Variants in CNKSR2 observed in about 807,000 individuals in gnomAD.
The protein encoded by CNKSR2 is connector enhancer of kinase suppressor of Ras 2, also known as CNK homolog protein 2.
CNKSR2 carries 14 observed loss-of-function variants against 84.4 expected under a neutral mutation model. The ratio of observed to expected loss-of-function variants is 0.17; its 90% CI spans 0.11 to 0.26. The LOEUF (loss-of-function observed/expected upper bound fraction) is 0.26, where lower values mean the gene tolerates loss of function less well. Among genes scored for constraint, CNKSR2 ranks in the 10% least tolerant of loss-of-function variants. The pLI is 1.00. For synonymous variants in CNKSR2, 275 were observed against 277.9 expected, an observed-to-expected ratio of 0.99 and a Z score of 0.10; for missense variants, 485 against 771.2, an observed-to-expected ratio of 0.63 and a Z score of 4.40.
At chrX:21,510,075 G>A (rs1286745601) in intron 8 of CNKSR2, among the ~76,000 whole-genome samples, 1 of 111,315 alleles carries the variant, frequency 9.0e-6, no homozygotes, top group Non-Finnish European at 1.9e-5. Flanking sequence ...CTTAAAAAGA[G>A]CAGGAGGATA....
intron 5 of CNKSR2, among the ~76,000 whole-genome samples, chrX:21,471,469 C>T (rs1182309714): frequency 1.8e-5 from 2 of 111,829 alleles, no homozygotes; most frequent in African/African-American, 6.5e-5. Flanking sequence ...TCTGCATCTG[C>T]CAGGTACTAG....
intron 5 of CNKSR2, among the ~76,000 whole-genome samples, chrX:21,486,661 A>T (rs762814719): frequency 8.9e-6 from 1 of 112,193 alleles, no homozygotes; most frequent in Non-Finnish European, 1.9e-5. Flanking sequence ...TACAAATTAT[A>T]GCTAATAATA....
intron 4 of CNKSR2, among the ~76,000 whole-genome samples, chrX:21,449,230 G>C (rs1257026581): frequency 1.9e-5 from 2 of 103,370 alleles, no homozygotes; most frequent in African/African-American, 7.2e-5. Flanking sequence ...CTTGAACCCA[G>C]GAGGCGGAGG....
chrX:21,404,515 A>T (rs1237529055), intron 1 of CNKSR2, among the ~76,000 whole-genome samples: 1 of 110,657 alleles, frequency 9.0e-6, no homozygotes, highest in East Asian at 2.8e-4. Context: ...CTGGCCAGGC[A>T]TGGTGGCTCA....
chrX:21,505,011 A>T, intron 8 of CNKSR2: 1 of 275,798 alleles, frequency 3.6e-6, no homozygotes. Flanking sequence ...ATACCTCGGC[A>T]TAGTTTGATG....
chrX:21,573,454 A>G (rs2092297879), intron 13 of CNKSR2, among the ~76,000 whole-genome samples: 1 of 112,138 alleles, frequency 8.9e-6, no homozygotes, highest in African/African-American at 3.2e-5. Context: ...GAGGTTCTCA[A>G]TGAGGGCTCC....
At chrX:21,392,427 C>T (rs775215156) in intron 1 of CNKSR2, among the ~76,000 whole-genome samples, 55 of 111,792 alleles carry the variant, frequency 4.9e-4, no homozygotes, top group Middle Eastern at 4.6e-3. Context: ...GGAGGCCTCG[C>T]GAAACTTTCA....
chrX:21,609,802 A>G (rs1346516608), intron 20 of CNKSR2, among the ~76,000 whole-genome samples, 185 bp downstream of exon 20: 1 of 111,798 alleles, frequency 8.9e-6, no homozygotes. Context: ...AAACATGATG[A>G]GTAATGAAGC....
chrX:21,607,009 G>A (rs1299800359), intron 19 of CNKSR2, 130 bp downstream of exon 19: 3 of 355,120 alleles, frequency 8.4e-6, no homozygotes, highest in Admixed American at 1.2e-4. Flanking sequence ...AAAACTGGGA[G>A]TCTAAAATCA....
At chrX:21,478,573 A>G (rs761283505) in intron 5 of CNKSR2, among the ~76,000 whole-genome samples, 4 of 112,166 alleles carry the variant, frequency 3.6e-5, no homozygotes, top group Non-Finnish European at 7.5e-5. Flanking sequence ...CCATATTCAT[A>G]CTGACTCTGA....
intron 13 of CNKSR2, among the ~76,000 whole-genome samples, chrX:21,587,985 G>T (rs757421098): frequency 3.9e-4 from 43 of 111,603 alleles, no homozygotes; most frequent in Non-Finnish European, 1.5e-4. Context: ...AAATCTATCT[G>T]CAGGCTTCCT....
intron 13 of CNKSR2, among the ~76,000 whole-genome samples, chrX:21,587,110 A>G (rs955643321): frequency 1.8e-5 from 2 of 112,124 alleles, no homozygotes; most frequent in Admixed American, 1.9e-4. Flanking sequence ...TTTAGAAGCT[A>G]CAGAGAAACT....
At chrX:21,435,268 TATTTA>T (rs1198895134) in intron 3 of CNKSR2, among the ~76,000 whole-genome samples, 1 of 111,279 alleles carries the variant, frequency 9.0e-6, no homozygotes, top group East Asian at 2.8e-4. Context: ...TTAACATTAA[TATTTA>T]ATTCTAATTG....
In CNKSR2 at chrX:21,532,008, A is replaced by G. The variant is rs1195103186; in HGVS notation, c.1244A>G (p.Tyr415Cys). The G allele has an allele frequency of 1.7e-6, 2 of 1,204,082 alleles. No homozygotes were observed. The highest frequency in any genetic ancestry group is 1.7e-5 in the African/African-American group (1 of 57,529). Residue 415 changes from tyrosine to cysteine, a missense_variant, in exon 11 of 22, where the codon TAT becomes TGT. Transcript: ENST00000379510. ...GAAGAAGATACTGTCTTATATTGCTATGAATATGAAAAAGGAAGATCAAGT... is the reference window on the plus strand; with the variant it reads ...GAAGAAGATACTGTCTTATATTGCTGTGAATATGAAAAAGGAAGATCAAGT... ...IVEEDTVLYC[Y>C]EYEKGRSSSQ...
intron 20 of CNKSR2, among the ~76,000 whole-genome samples, chrX:21,616,258 G>C (rs2092576072): frequency 9.0e-6 from 1 of 110,840 alleles, no homozygotes; most frequent in African/African-American, 3.3e-5. Flanking sequence ...CCTACTACCA[G>C]AATTTAAGCT....
chrX:21,436,892 A>C (rs187320186), intron 3 of CNKSR2, among the ~76,000 whole-genome samples: 1 of 111,611 alleles, frequency 9.0e-6, no homozygotes, highest in Admixed American at 9.5e-5. Flanking sequence ...TACAGCCCAA[A>C]TCATCATACC....
chrX:21,489,170 G>A (rs1313396028), intron 5 of CNKSR2, among the ~76,000 whole-genome samples: 2 of 111,403 alleles, frequency 1.8e-5, no homozygotes, highest in African/African-American at 3.3e-5. Flanking sequence ...CATATTGATT[G>A]ATGTCTCATG....
chrX:21,386,018 CAAA>C (rs1179082753), intron 1 of CNKSR2, among the ~76,000 whole-genome samples: 1 of 20,457 alleles, frequency 4.9e-5, no homozygotes, highest in Non-Finnish European at 9.8e-5. Flanking sequence ...TGGATGTAGG[CAAA>C]AAAAAAAAAA....
At chrX:21,537,467 G>C (rs997347185) in intron 11 of CNKSR2, among the ~76,000 whole-genome samples, 4 of 111,414 alleles carry the variant, frequency 3.6e-5, no homozygotes, top group Non-Finnish European at 7.6e-5. Context: ...TGGGTGTTAA[G>C]TCCATAGCTA....
Sources: gnomAD v4.1 joint callset for allele counts (sites outside exome capture counted in the v4.1 genomes callset) on GRCh38, gnomAD v4.1.1 for gene constraint, MANE v1.5 for transcripts, NCBI Gene and HGNC (gene_info 2026-07-23, HGNC 2026-07-21) for gene names.